USP12: variants seen among roughly 807,000 people sequenced by gnomAD.
USP12 encodes ubiquitin specific peptidase 12, also known as ubiquitin carboxyl-terminal hydrolase 12.
Under a neutral mutation model 45.5 loss-of-function variants are expected in USP12, and 19 were observed. The ratio of observed to expected loss-of-function variants is 0.42; its 90% CI spans 0.29 to 0.61. The LOEUF is 0.61. USP12 is among the 20% of genes least tolerant of loss of function. The pLI, the probability that USP12 is intolerant of heterozygous loss-of-function variation, is 0.22. For missense variants in USP12, 242 were observed against 447.7 expected (o/e 0.54, Z 4.15); for synonymous variants, 149 against 148.8 (o/e 1.00, Z -0.01).
chr13:27,141,816 CTTT>C (rs991866869), intron 1 of USP12, among the ~76,000 whole-genome samples: 7 of 152,186 alleles, frequency 4.6e-5, no homozygotes, highest in African/African-American at 1.4e-4. Flanking sequence ...CAAAATCTGA[CTTT>C]TTGAGTGCTA....
intron 1 of USP12, among the ~76,000 whole-genome samples, chr13:27,151,574 A>G (rs1877570508): frequency 1.3e-5 from 2 of 152,112 alleles, no homozygotes; most frequent in African/African-American, 4.8e-5. Context: ...GAGGGCCAGG[A>G]GTTCAAGACC....
chr13:27,091,120 A>T (rs146887771), intron 4 of USP12, among the ~76,000 whole-genome samples: 114 of 152,282 alleles, frequency 7.5e-4, no homozygotes, highest in Middle Eastern at 6.8e-3. Context: ...GAGTCTCAAA[A>T]AGTCTGGTGA....
chr13:27,076,853 C>A (rs756036048), intron 6 of USP12, among the ~76,000 whole-genome samples: 1 of 152,138 alleles, frequency 6.6e-6, no homozygotes, highest in Non-Finnish European at 1.5e-5. Flanking sequence ...ATGAACTTGG[C>A]CTTTTGGAAA....
chr13:27,158,578 A>G (rs1039159746), intron 1 of USP12, among the ~76,000 whole-genome samples: 10 of 152,182 alleles, frequency 6.6e-5, no homozygotes, highest in Non-Finnish European at 1.2e-4. Context: ...TAGGCCACAA[A>G]CCTGTACAGC....
chr13:27,081,160 T>A (rs1046198981), intron 6 of USP12, among the ~76,000 whole-genome samples: 2 of 152,214 alleles, frequency 1.3e-5, no homozygotes, highest in African/African-American at 4.8e-5. Flanking sequence ...GGCTTTTCCT[T>A]TCACAGATTT....
At chr13:27,119,585 G>A (rs753222248) in intron 1 of USP12, among the ~76,000 whole-genome samples, 11 of 152,170 alleles carry the variant, frequency 7.2e-5, no homozygotes, top group Non-Finnish European at 1.5e-5. Context: ...AAACTATTCA[G>A]AAAATTAAAA....
chr13:27,078,542 A>T lies in USP12; in HGVS notation c.735-3154T>A, dbSNP rs1042853359. ...TTGATAATGTCTAGTTATAATTTAA[A>T]ACTATTCAAAAAAGAAAGAAGGATG... On this transcript the variant is annotated intron_variant, in intron 6 of 8. Transcript: ENST00000282344. Among the ~76,000 whole-genome samples, 5 of 152,060 alleles carry T rather than the reference A, an allele frequency of 3.3e-5. No individual in the cohort carries two copies. In the East Asian group the frequency reaches 9.6e-4, roughly 29 times the overall value.
At chr13:27,155,886 T>C (rs551998831) in intron 1 of USP12, among the ~76,000 whole-genome samples, 155 of 152,310 alleles carry the variant, frequency 1.0e-3, no homozygotes, top group Non-Finnish European at 1.8e-3. Flanking sequence ...TATGAAAATA[T>C]TCTGAAAATG....
chr13:27,084,711 T>C (rs185519854), intron 6 of USP12, among the ~76,000 whole-genome samples: 2 of 152,304 alleles, frequency 1.3e-5, no homozygotes, highest in East Asian at 1.9e-4. Flanking sequence ...TGTATATGTA[T>C]GGTTTTATTT....
At chr13:27,108,131 C>A (rs1446669475) in intron 2 of USP12, among the ~76,000 whole-genome samples, 1 of 151,844 alleles carries the variant, frequency 6.6e-6, no homozygotes, top group Non-Finnish European at 1.5e-5. Context: ...TTGGAACCAA[C>A]CCAAATGTCC....
chr13:27,088,285 G>A (rs1396161231), intron 6 of USP12, among the ~76,000 whole-genome samples: 3 of 151,934 alleles, frequency 2.0e-5, no homozygotes, highest in Non-Finnish European at 4.4e-5. Context: ...GCGTGGTGGC[G>A]GGCGCCTGTA....
rs747716731 is a variant in USP12 at position 27,069,368 on chromosome 13, G to T, written c.1028C>A (p.Ala343Asp). Reference sequence around the variant, plus strand: ...TGTCAACCCGTAGAATTCTTCAATAGCTTGTGCATCTATTTTCTGTGAGGT... The same window carrying T: ...TGTCAACCCGTAGAATTCTTCAATATCTTGTGCATCTATTTTCTGTGAGGT... ...DDIVEKIDAQ[A>D]IEEFYGLTSD... Residue 343 changes from alanine (A) to aspartate (D), a missense_variant, in exon 9 of 9, where the codon GCT becomes GAT. Transcript: ENST00000282344. 4 of 1,613,174 alleles carry T rather than the reference G, an allele frequency of 2.5e-6. No homozygotes were observed. The highest frequency in any genetic ancestry group is 3.4e-6 in the Non-Finnish European group (4 of 1,179,536).
At chr13:27,110,495 T>C (rs1455061407) in intron 2 of USP12, among the ~76,000 whole-genome samples, 3 of 152,302 alleles carry the variant, frequency 2.0e-5, no homozygotes, top group South Asian at 4.1e-4. Flanking sequence ...TACCAACTTT[T>C]TGAAGAGGCT....
chr13:27,109,819 G>A (rs1220686353), intron 2 of USP12, among the ~76,000 whole-genome samples: 4 of 150,194 alleles, frequency 2.7e-5, no homozygotes, highest in African/African-American at 4.9e-5. Context: ...TGAGACAGGA[G>A]AATCGCTGGA....
chr13:27,071,671 C>T (rs1047594601), intron 7 of USP12, among the ~76,000 whole-genome samples: 3 of 152,034 alleles, frequency 2.0e-5, no homozygotes, highest in African/African-American at 4.8e-5. Flanking sequence ...TCTTTAAAAG[C>T]AAATGACCTT....
chr13:27,131,758 A>G (rs1876512963), intron 1 of USP12, among the ~76,000 whole-genome samples: 1 of 152,362 alleles, frequency 6.6e-6, no homozygotes, highest in Admixed American at 6.5e-5. Flanking sequence ...AAGAGGGTGT[A>G]AAACTCAAAG....
chr13:27,163,985 G>A (rs185603817), intron 1 of USP12, among the ~76,000 whole-genome samples: 6 of 151,592 alleles, frequency 4.0e-5, no homozygotes, highest in Admixed American at 2.6e-4. Context: ...TATCACAGTC[G>A]TCTTCATGTT....
At chr13:27,107,383 G>A (rs1311371207) in intron 2 of USP12, among the ~76,000 whole-genome samples, 2 of 152,036 alleles carry the variant, frequency 1.3e-5, no homozygotes, top group Non-Finnish European at 2.9e-5. Flanking sequence ...AACTATTGTA[G>A]CTATATCATA....
At chr13:27,122,027 G>A (rs577836271) in intron 1 of USP12, among the ~76,000 whole-genome samples, 179 of 151,904 alleles carry the variant, frequency 1.2e-3, no homozygotes, top group African/African-American at 4.3e-3. Flanking sequence ...TGGAAAAGCT[G>A]AAGTAAAAAC....
Sources: gnomAD v4.1 joint callset for allele counts (sites outside exome capture counted in the v4.1 genomes callset) on GRCh38, gnomAD v4.1.1 for gene constraint, MANE v1.5 for transcripts, NCBI Gene and HGNC (gene_info 2026-07-23, HGNC 2026-07-21) for gene names.